MEF2A: variants seen among roughly 807,000 people sequenced by gnomAD.
The protein encoded by MEF2A is myocyte enhancer factor 2A.
Under a neutral mutation model 55.8 loss-of-function variants are expected in MEF2A, and 28 were observed. The observed-to-expected ratio is 0.50, with a 90% CI of 0.37 to 0.69. MEF2A has a LOEUF of 0.69. MEF2A is among the 30% of genes least tolerant of loss of function. MEF2A has a pLI of 0.00. For synonymous variants in MEF2A, 239 were observed against 227.1 expected (o/e 1.05, Z -0.47); for missense variants, 528 against 626.2 (o/e 0.84, Z 1.67).
chr15:99,606,519 G>A (rs1336688062), intron 2 of MEF2A, among the ~76,000 whole-genome samples: 11 of 151,996 alleles, frequency 7.2e-5, no homozygotes, highest in Non-Finnish European at 1.6e-4. Flanking sequence ...TATTCAAAGC[G>A]CTTCTACAAA....
chr15:99,573,911 A>G (rs951288564), intron 1 of MEF2A, among the ~76,000 whole-genome samples: 2 of 152,196 alleles, frequency 1.3e-5, no homozygotes, highest in Non-Finnish European at 2.9e-5. Context: ...CCTTTTTATT[A>G]ATGGTGTTAA....
chr15:99,566,676 CG>C (rs576531228), intron 1 of MEF2A: 129 of 152,488 alleles, frequency 8.5e-4, no homozygotes, highest in African/African-American at 3.0e-3. Context: ...GCCCCAAGTG[CG>C]GGGGGCCTTC....
At chr15:99,695,850 A>C in intron 8 of MEF2A, among the ~76,000 whole-genome samples, 1 of 107,922 alleles carries the variant, frequency 9.3e-6, no homozygotes, top group Non-Finnish European at 2.3e-5. Flanking sequence ...CAAGAGTGAA[A>C]CTCCGTCTCA....
chr15:99,645,768 AC>A lies in MEF2A; in HGVS notation c.258+5del, dbSNP rs1268779163. 6.3e-7 allele frequency: 1 copy of A among 1,576,462 alleles called. No individual in the cohort carries two copies. Among genetic ancestry groups the A allele is most frequent in the African/African-American group, 1.3e-5 (1 of 74,274 alleles). ...AACCAACTCGGATATTGTTGAGGTA[AC>A]ACATATCTAGTAATACGTGAATTGC... On this transcript the variant is annotated splice_donor_5th_base_variant and intron_variant, in intron 4 of 11. Transcript: ENST00000557942.
intron 1 of MEF2A, among the ~76,000 whole-genome samples, chr15:99,585,346 T>C (rs1041658572): frequency 7.9e-5 from 12 of 152,218 alleles, no homozygotes; most frequent in African/African-American, 2.9e-4. Context: ...GTTTCGTGAG[T>C]GTGTATAATC....
intron 2 of MEF2A, among the ~76,000 whole-genome samples, chr15:99,616,029 A>G (rs910914935): frequency 6.6e-6 from 1 of 152,144 alleles, no homozygotes; most frequent in Admixed American, 6.5e-5. Flanking sequence ...AAATAAGAAA[A>G]TTTCGCTGGG....
intron 2 of MEF2A, among the ~76,000 whole-genome samples, chr15:99,599,136 C>G (rs1388203637): frequency 6.6e-6 from 1 of 151,982 alleles, no homozygotes; most frequent in African/African-American, 2.4e-5. Flanking sequence ...ATGTGTAGTC[C>G]TCAAAAGTTT....
intron 7 of MEF2A, among the ~76,000 whole-genome samples, chr15:99,680,830 A>G (rs1156881535): frequency 6.6e-6 from 1 of 152,198 alleles, no homozygotes; most frequent in African/African-American, 2.4e-5. Context: ...TGCTGTATTA[A>G]TACAGTTACC....
intron 1 of MEF2A, among the ~76,000 whole-genome samples, chr15:99,581,159 AGTC>A (rs1965801872): frequency 2.0e-5 from 3 of 152,168 alleles, no homozygotes; most frequent in Admixed American, 6.5e-5. Context: ...GTTAGTAAGT[AGTC>A]TGTCAGTATT....
intron 5 of MEF2A, 50 bp downstream of exon 5, chr15:99,671,504 T>C: frequency 6.2e-7 from 1 of 1,613,938 alleles, no homozygotes; most frequent in Non-Finnish European, 8.5e-7. Context: ...TCCTTTTTGT[T>C]AACTTCATTA....
At chr15:99,696,936 A>G (rs2056562228) in intron 8 of MEF2A, among the ~76,000 whole-genome samples, 2 of 152,170 alleles carry the variant, frequency 1.3e-5, no homozygotes, top group South Asian at 4.1e-4. Flanking sequence ...AGCAATATAT[A>G]AAAAGGATAA....
chr15:99,604,759 G>A (rs897267968), intron 2 of MEF2A, among the ~76,000 whole-genome samples: 1 of 150,902 alleles, frequency 6.6e-6, no homozygotes, highest in African/African-American at 2.4e-5. Context: ...GTTTTTGTAC[G>A]TGTATAAGTT....
chr15:99,673,039 T>C (rs985799416), intron 5 of MEF2A, among the ~76,000 whole-genome samples: 5 of 152,132 alleles, frequency 3.3e-5, no homozygotes, highest in East Asian at 1.9e-4. Context: ...AGAAAAGATA[T>C]ATTGAAGCTG....
intron 1 of MEF2A, among the ~76,000 whole-genome samples, chr15:99,582,822 A>G (rs1226696725): frequency 1.3e-5 from 2 of 152,122 alleles, no homozygotes; most frequent in Non-Finnish European, 2.9e-5. Flanking sequence ...CTTGACTTTT[A>G]TAGCAGAGAG....
At chr15:99,607,108 C>T (rs1975443099) in intron 2 of MEF2A, among the ~76,000 whole-genome samples, 1 of 151,976 alleles carries the variant, frequency 6.6e-6, no homozygotes, top group African/African-American at 2.4e-5. Context: ...AAAAATAAAA[C>T]AGGTAAAATA....
At chr15:99,608,574 C>T (rs979517265) in intron 2 of MEF2A, among the ~76,000 whole-genome samples, 1 of 152,106 alleles carries the variant, frequency 6.6e-6, no homozygotes, top group African/African-American at 2.4e-5. Context: ...GACTATTTTA[C>T]CTAAAACATA....
intron 2 of MEF2A, among the ~76,000 whole-genome samples, chr15:99,607,226 A>G (rs1200134702): frequency 6.6e-6 from 1 of 152,200 alleles, no homozygotes; most frequent in East Asian, 1.9e-4. Context: ...AAAATTGTTG[A>G]CTTCTAGGTG....
chr15:99,566,917 C>G (rs557729061), intron 1 of MEF2A, among the ~76,000 whole-genome samples: 70 of 152,316 alleles, frequency 4.6e-4, no homozygotes, highest in African/African-American at 1.6e-3. Flanking sequence ...CCGGCTAGAT[C>G]CCAGCTCGCA....
intron 10 of MEF2A, among the ~76,000 whole-genome samples, chr15:99,707,820 A>G (rs1008193610): frequency 6.6e-6 from 1 of 152,250 alleles, no homozygotes; most frequent in African/African-American, 2.4e-5. Context: ...GCTTTGGCAC[A>G]GAACTTTGAA....
Sources: gnomAD v4.1 joint callset for allele counts (sites outside exome capture counted in the v4.1 genomes callset) on GRCh38, gnomAD v4.1.1 for gene constraint, MANE v1.5 for transcripts, NCBI Gene and HGNC (gene_info 2026-07-23, HGNC 2026-07-21) for gene names.